Variants in ARNT2 observed in about 807,000 individuals in gnomAD.
The protein encoded by ARNT2 is aryl hydrocarbon receptor nuclear translocator 2.
A neutral mutation model predicts 91.7 loss-of-function variants in ARNT2; 36 were observed. The ratio of observed to expected loss-of-function variants is 0.39; its 90% CI spans 0.30 to 0.52. The LOEUF (loss-of-function observed/expected upper bound fraction) is 0.52, where lower values mean the gene tolerates loss of function less well. ARNT2 is among the 20% of genes least tolerant of loss of function. The probability of loss-of-function intolerance (pLI) is 0.72; values close to 1 mark genes in which losing one functional copy is unlikely to be tolerated. For missense variants in ARNT2, 775 were observed against 939.3 expected (o/e 0.83, Z 2.29); for synonymous variants, 365 against 347.1 (o/e 1.05, Z -0.57).
chr15:80,480,903 T>C (rs74027991), intron 5 of ARNT2, among the ~76,000 whole-genome samples: 10,922 of 152,232 alleles, frequency 0.072, 941 homozygotes, highest in African/African-American at 0.2. Flanking sequence ...CTGCCTTGCA[T>C]GGCTGTAGAA....
intron 8 of ARNT2, among the ~76,000 whole-genome samples, chr15:80,516,469 A>C (rs1334285872): frequency 6.6e-6 from 1 of 152,158 alleles, no homozygotes; most frequent in African/African-American, 2.4e-5. Context: ...CTTTGTATGA[A>C]ATTAATAGAG....
chr15:80,482,955 G>C (rs1896911701), intron 5 of ARNT2, among the ~76,000 whole-genome samples: 1 of 152,250 alleles, frequency 6.6e-6, no homozygotes, highest in South Asian at 2.1e-4. Flanking sequence ...TGAGTCCACT[G>C]TTATTCTTGG....
At chr15:80,474,140 C>T (rs1478069652) in intron 4 of ARNT2, among the ~76,000 whole-genome samples, 1 of 152,214 alleles carries the variant, frequency 6.6e-6, no homozygotes, top group African/African-American at 2.4e-5. Flanking sequence ...GAGCTGCCTT[C>T]AGGCGCTGCA....
Position 80,475,224 on chromosome 15 carries a change from G to A in ARNT2, c.622+1G>A. On this transcript the variant is annotated splice_donor_variant, in intron 5 of 18. Transcript: ENST00000303329. LOFTEE classifies it high-confidence loss of function. ...TGCACCTCAGAAAACTCAATGACAG[G>A]TCAGTGGAGCTCCCTTTATGAGGCT... The A allele has an allele frequency of 6.2e-7, 1 of 1,613,822 alleles. No homozygotes were observed. Among genetic ancestry groups the A allele is most frequent in the Non-Finnish European group, 8.5e-7 (1 of 1,180,006 alleles).
Position 80,480,031 on chromosome 15 carries a change from C to T in ARNT2, c.622+4808C>T, listed in dbSNP as rs560477655. On this transcript the variant is annotated intron_variant, in intron 5 of 18. Coordinates refer to ENST00000303329, the MANE Select transcript of ARNT2 (RefSeq NM_014862.4). ...TGGAGGAGCTCCTTATGGGGAAGGA[C>T]GAGTGTTCTGCAGAATGAAAGTGCC... Among the ~76,000 whole-genome samples, 5 of 151,988 alleles carry T rather than the reference C, an allele frequency of 3.3e-5. No individual in the cohort carries two copies. The South Asian group carries it at 6.2e-4, about 19-fold the overall frequency.
chr15:80,470,929 G>A (rs965594462), intron 4 of ARNT2, among the ~76,000 whole-genome samples: 3 of 152,236 alleles, frequency 2.0e-5, no homozygotes, highest in Non-Finnish European at 4.4e-5. Flanking sequence ...CACTGCTGGT[G>A]GGAGTGTAAA....
chr15:80,539,232 C>T (rs899097248), intron 8 of ARNT2, among the ~76,000 whole-genome samples: 2 of 151,968 alleles, frequency 1.3e-5, no homozygotes, highest in African/African-American at 4.8e-5. Flanking sequence ...AACCCAATTT[C>T]ATGTGTTAGG....
At chr15:80,577,106 C>T (rs1291573492) in intron 15 of ARNT2, 141 bp downstream of exon 15, 5 of 758,364 alleles carry the variant, frequency 6.6e-6, no homozygotes, top group Non-Finnish European at 1.1e-5. Context: ...ACTGAGGATT[C>T]TGGTGGCTCT....
At chr15:80,529,861 A>G (rs1218619630) in intron 8 of ARNT2, among the ~76,000 whole-genome samples, 2 of 152,212 alleles carry the variant, frequency 1.3e-5, no homozygotes, top group Non-Finnish European at 2.9e-5. Flanking sequence ...ATTCATGGTT[A>G]CTGTTTAATT....
chr15:80,438,552 A>C (rs993719305), intron 1 of ARNT2, among the ~76,000 whole-genome samples: 1 of 152,252 alleles, frequency 6.6e-6, no homozygotes, highest in African/African-American at 2.4e-5. Context: ...CATACCAAAC[A>C]ATTCCACAAA....
At chr15:80,553,107 T>A (rs887829892) in intron 10 of ARNT2, among the ~76,000 whole-genome samples, 1 of 152,228 alleles carries the variant, frequency 6.6e-6, no homozygotes, top group African/African-American at 2.4e-5. Flanking sequence ...ACCCTGCAAA[T>A]CCTGGTAAAG....
At chr15:80,509,661 T>A (rs1897316397) in intron 6 of ARNT2, among the ~76,000 whole-genome samples, 1 of 151,532 alleles carries the variant, frequency 6.6e-6, no homozygotes, top group Non-Finnish European at 1.5e-5. Context: ...TTATATAGGG[T>A]GGGAGGGGAA....
At chr15:80,442,864 T>C in intron 1 of ARNT2, 1 of 985,452 alleles carries the variant, frequency 1.0e-6, no homozygotes, top group Non-Finnish European at 1.2e-6. Flanking sequence ...ACCAAGGTTT[T>C]TTAGAATTTT....
At chr15:80,449,421 T>C (rs947577089) in intron 1 of ARNT2, among the ~76,000 whole-genome samples, 1 of 152,184 alleles carries the variant, frequency 6.6e-6, no homozygotes, top group Admixed American at 6.5e-5. Context: ...AGGCAGATGA[T>C]AAAGTTGTTG....
chr15:80,460,654 CG>C (rs1566979010), intron 3 of ARNT2, among the ~76,000 whole-genome samples: 1 of 152,178 alleles, frequency 6.6e-6, no homozygotes, highest in African/African-American at 2.4e-5. Context: ...CACAAAGTCA[CG>C]GGGACCCGGG....
chr15:80,518,490 A>G (rs1897480113), intron 8 of ARNT2, among the ~76,000 whole-genome samples: 2 of 151,988 alleles, frequency 1.3e-5, no homozygotes, highest in African/African-American at 4.8e-5. Context: ...CATGTTGGCC[A>G]TGGTGGTCTC....
At chr15:80,552,865 C>A in intron 10 of ARNT2, 91 bp downstream of exon 10, 1 of 1,477,646 alleles carries the variant, frequency 6.8e-7, no homozygotes, top group Non-Finnish European at 9.2e-7. Flanking sequence ...AACACAATGG[C>A]CATGTGGAGA....
At chr15:80,429,261 T>C (rs145572988) in intron 1 of ARNT2, among the ~76,000 whole-genome samples, 234 of 152,238 alleles carry the variant, frequency 1.5e-3, no homozygotes, top group Middle Eastern at 3.4e-3. Flanking sequence ...CTGTGCAGGA[T>C]TAGAGGGTTG....
chr15:80,514,830 G>A (rs1490429509), intron 8 of ARNT2, among the ~76,000 whole-genome samples: 1 of 152,156 alleles, frequency 6.6e-6, no homozygotes, highest in Non-Finnish European at 1.5e-5. Flanking sequence ...AGGTTGCAGT[G>A]AGCCAAGATT....
Sources: allele counts gnomAD v4.1 joint callset (sites outside exome capture counted in the v4.1 genomes callset), GRCh38; gene constraint gnomAD v4.1.1; transcripts MANE v1.5; gene names NCBI Gene and HGNC (gene_info 2026-07-23, HGNC 2026-07-21).